The following ZNF541 variants were observed in gnomAD, a reference collection of about 807,000 sequenced individuals.
ZNF541 encodes zinc finger protein 541.
In ZNF541, 23 loss-of-function variants were observed where a neutral mutation model predicts 123.5. The observed-to-expected ratio is 0.19, with a 90% CI of 0.13 to 0.26. ZNF541 has a LOEUF of 0.26. ZNF541 is among the 10% of genes least tolerant of loss of function. ZNF541 has a pLI of 1.00. For missense variants in ZNF541, 1,612 were observed against 1,789.9 expected (o/e 0.90, Z 1.79); for synonymous variants, 751 against 754.5 (o/e 1.00, Z 0.08).
chr19:47,522,031 C>T (rs533653947), intron 14 of ZNF541, 37 bp from the exon 15 acceptor site: 131 of 1,546,780 alleles, frequency 8.5e-5, no homozygotes, highest in Non-Finnish European at 1.1e-4. Context: ...GGCTGTGCCA[C>T]GCGGGCCCTG....
intron 12 of ZNF541, among the ~76,000 whole-genome samples, chr19:47,530,291 C>T (rs1231317571): frequency 2.6e-5 from 4 of 151,796 alleles, no homozygotes; most frequent in Admixed American, 2.0e-4. Context: ...GCCTCAGCCT[C>T]CCAACTAGCT....
intron 3 of ZNF541, among the ~76,000 whole-genome samples, chr19:47,551,673 G>A (rs567503582): frequency 5.3e-5 from 8 of 151,516 alleles, no homozygotes; most frequent in South Asian, 2.1e-4. Flanking sequence ...TGAGTAGCAC[G>A]GGCCACCACC....
chr19:47,548,129 C>CA lies in ZNF541; in HGVS notation c.548+1115dup, dbSNP rs60292081. 3.0e-3 allele frequency among the ~76,000 whole-genome samples: 403 copies of CA among 135,280 alleles called. 2 individuals are homozygous for CA. Among genetic ancestry groups the CA allele is most frequent in the Middle Eastern group, 0.015 (4 of 264 alleles). 88.7% of individuals were successfully genotyped at this position (135,280 alleles called of 152,430 possible). On this transcript the variant is annotated intron_variant, in intron 4 of 16. Coordinates refer to ENST00000391901, the MANE Select transcript of ZNF541 (RefSeq NM_001277075.3). Reference sequence around the variant, plus strand: ...GAGTTTTTTAAAAAAGAAAAAAAAACAAAAAAAAAAATAGAAAAGAAAAAC... The same window carrying CA: ...GAGTTTTTTAAAAAAGAAAAAAAAACAAAAAAAAAAAATAGAAAAGAAAAAC...
intron 4 of ZNF541, among the ~76,000 whole-genome samples, chr19:47,547,125 G>A (rs932756978): frequency 6.6e-6 from 1 of 152,142 alleles, no homozygotes; most frequent in African/African-American, 2.4e-5. Flanking sequence ...TTTTCAAAAA[G>A]CCCCTATTAG....
chr19:47,559,531 T>C (rs767522031), intron 2 of ZNF541, among the ~76,000 whole-genome samples: 75 of 151,964 alleles, frequency 4.9e-4, no homozygotes, highest in Non-Finnish European at 9.4e-4. Flanking sequence ...CAAAGCTTTA[T>C]AGCAACCAAG....
intron 2 of ZNF541, among the ~76,000 whole-genome samples, chr19:47,566,252 C>T (rs1464746251): frequency 6.6e-6 from 1 of 151,998 alleles, no homozygotes; most frequent in Non-Finnish European, 1.5e-5. Flanking sequence ...AAGGATTCTT[C>T]TATGAAATGC....
chr19:47,527,521 G>A (rs1017313905), intron 14 of ZNF541, among the ~76,000 whole-genome samples: 3 of 151,482 alleles, frequency 2.0e-5, no homozygotes, highest in East Asian at 3.9e-4. Flanking sequence ...TCAGCCTCCC[G>A]AGTAGCTGGG....
chr19:47,544,449 GGAA>G lies in ZNF541; in HGVS notation c.2077_2079del (p.Phe693del), dbSNP rs1211681844. The G allele has an allele frequency of 6.4e-7, 1 of 1,551,580 alleles. No individual in the cohort carries two copies. The highest frequency in any genetic ancestry group is 1.4e-5 in the African/African-American group (1 of 73,054). ...TGGGTCTGCCGTTGGCCTGTGGAGG[GGAA>G]GATGTCCTCCAGGTCCAAGGTCCCT... On this transcript the variant is annotated inframe_deletion, in exon 5 of 17. Transcript: ENST00000391901.
intron 2 of ZNF541, among the ~76,000 whole-genome samples, chr19:47,569,124 T>C (rs1971379679): frequency 6.6e-6 from 1 of 152,160 alleles, no homozygotes; most frequent in South Asian, 2.1e-4. Flanking sequence ...TTAGATTTGA[T>C]ATTCCTTCAC....
In ZNF541 at chr19:47,521,822, A is replaced by C. The variant is rs145078588; in HGVS notation, c.3711+32T>G. ...CGGGTAGCAGGCACTGGGAGGAGAG[A>C]AGAGCTCCCGACACAGCCCTGGTTC... On this transcript the variant is annotated intron_variant, in intron 15 of 16. Transcript: ENST00000391901. The surrounding 1 kb of genome is among the most constrained non-coding windows in gnomAD (Gnocchi z 4.2). 6.5e-7 allele frequency: 1 copy of C among 1,545,970 alleles called. No homozygotes were observed. The highest frequency in any genetic ancestry group is 1.4e-5 in the African/African-American group (1 of 72,732).
At chr19:47,562,449 CAGG>C (rs1402879293) in intron 2 of ZNF541, among the ~76,000 whole-genome samples, 2 of 151,712 alleles carry the variant, frequency 1.3e-5, no homozygotes, top group African/African-American at 2.4e-5. Context: ...GAAGCTGAGG[CAGG>C]AGAATCGCTT....
rs557525508 is a variant in ZNF541, at chr19:47,540,067, G to A, written c.2622+109C>T. On this transcript the variant is annotated intron_variant, in intron 7 of 16. Transcript: ENST00000391901. ...GCCACACAGCCTGACTCCAGCCCCC[G>A]ACCCAGAGTGACGTCCCCATCCTGA... The A allele has an allele frequency of 9.7e-6, 14 of 1,443,796 alleles. No homozygotes were observed. The Middle Eastern group carries it at 7.3e-4, about 75-fold the overall frequency. The allele number at this position is 1,443,796 out of a possible 1,614,324, so 89.4% of individuals were successfully genotyped here. A position where few individuals can be genotyped will look rare whatever the true frequency, so the allele number is the denominator to read the frequency against.
At chr19:47,572,564 G>A (rs1183281131) in intron 1 of ZNF541, among the ~76,000 whole-genome samples, 1 of 151,580 alleles carries the variant, frequency 6.6e-6, no homozygotes, top group Non-Finnish European at 1.5e-5. Context: ...GAAAGGAGGA[G>A]AGATTTGGAG....
At chr19:47,546,340 C>G (rs1970358054) in intron 4 of ZNF541, among the ~76,000 whole-genome samples, 1 of 151,940 alleles carries the variant, frequency 6.6e-6, no homozygotes, top group African/African-American at 2.4e-5. Context: ...AAACCCGTCT[C>G]TACTAAAAAT....
At chr19:47,568,687 T>A (rs1299130321) in intron 2 of ZNF541, among the ~76,000 whole-genome samples, 1 of 152,042 alleles carries the variant, frequency 6.6e-6, no homozygotes, top group Non-Finnish European at 1.5e-5. Context: ...TTTTTTGTTT[T>A]CCTGAGTTGA....
At chr19:47,562,760 T>A (rs1971116164) in intron 2 of ZNF541, among the ~76,000 whole-genome samples, 1 of 152,196 alleles carries the variant, frequency 6.6e-6, no homozygotes, top group Non-Finnish European at 1.5e-5. Context: ...CTTCTTTCAC[T>A]AAGCACAGTG....
chr19:47,533,538 T>C (rs1969681007), intron 9 of ZNF541, among the ~76,000 whole-genome samples: 3 of 151,106 alleles, frequency 2.0e-5, no homozygotes, highest in African/African-American at 7.3e-5. Flanking sequence ...CTTGGAGAAA[T>C]ATTCATTAAA....
chr19:47,558,750 T>C (rs1382233115), intron 2 of ZNF541, among the ~76,000 whole-genome samples: 2 of 150,586 alleles, frequency 1.3e-5, no homozygotes, highest in Non-Finnish European at 3.0e-5. Context: ...CAGCTAATTT[T>C]TTTTTTTTTT....
Position 47,566,676 on chromosome 19 carries a change from G to T in ZNF541, c.-99+5220C>A, listed in dbSNP as rs552022981. 9.9e-5 allele frequency among the ~76,000 whole-genome samples: 15 copies of T among 151,884 alleles called. No homozygotes were observed. The East Asian group carries it at 2.9e-3, about 29-fold the overall frequency. On this transcript the variant is annotated intron_variant, in intron 2 of 16. Transcript: ENST00000391901. ...CAGGAGAATTGCTTGAACTTGGGAG[G>T]CGGAGGTTGCAGTGAGCCAAGATCA...
Sources: gnomAD v4.1 joint callset for allele counts (sites outside exome capture counted in the v4.1 genomes callset) on GRCh38, gnomAD v4.1.1 for gene constraint, Gnocchi (gnomAD v3.1) non-coding constraint, MANE v1.5 for transcripts, NCBI Gene and HGNC (gene_info 2026-07-23, HGNC 2026-07-21) for gene names.